The following CEP63 variants were observed in gnomAD, a reference collection of about 807,000 sequenced individuals.
CEP63 encodes the protein centrosomal protein 63, also known as centrosomal protein of 63 kDa.
A neutral mutation model predicts 89.1 loss-of-function variants in CEP63; 84 were observed. The ratio of observed to expected loss-of-function variants is 0.94; its 90% confidence interval spans 0.79 to 1.13. The LOEUF (loss-of-function observed/expected upper bound fraction) is 1.13, where lower values mean the gene tolerates loss of function less well. Among genes scored for constraint, CEP63 ranks in the 50% most tolerant of loss-of-function variants. The pLI is 0.00. For synonymous variants in CEP63, 267 were observed against 272.5 expected, an observed-to-expected ratio of 0.98 and a Z score of 0.20; for missense variants, 838 against 813.3, an observed-to-expected ratio of 1.03 and a Z score of -0.37.
rs1022097625 is a variant in CEP63, at chr3:134,564,787, G to A, written c.*3252G>A. 2.8e-5 allele frequency: 28 copies of A among 985,262 alleles called. No individual in the cohort carries two copies. The highest frequency in any genetic ancestry group is 9.4e-5 in the South Asian group (2 of 21,294). 61.0% of individuals were successfully genotyped at this position (985,262 alleles called of 1,614,324 possible). On this transcript the variant is annotated 3_prime_UTR_variant, in exon 15 of 15. Transcript: ENST00000675561. ...GCTTAAAATCTGTAGACTGCAGCCC[G>A]TTTCTGAAACGTTTGTACTACGTGT...
At chr3:134,664,080 G>A in the CEP63 span, among the ~76,000 whole-genome samples, 1 of 152,186 alleles carries the variant, frequency 6.6e-6, no homozygotes, top group South Asian at 2.1e-4. Flanking sequence ...TCTGGAGCCT[G>A]CACCTAGGGG....
At chr3:134,512,649 C>T (rs994504178) in intron 3 of CEP63, among the ~76,000 whole-genome samples, 1 of 152,124 alleles carries the variant, frequency 6.6e-6, no homozygotes, top group Non-Finnish European at 1.5e-5. Flanking sequence ...TTTCTTTTGG[C>T]ATTTTCCCTA....
chr3:134,583,159 G>A (rs1377006681), intron 10 of CEP63, among the ~76,000 whole-genome samples: 1 of 152,056 alleles, frequency 6.6e-6, no homozygotes, highest in African/African-American at 2.4e-5. Flanking sequence ...AGTTTCTTTT[G>A]CTGTGCAGAA....
chr3:134,523,439 T>C (rs1198742995), intron 3 of CEP63, among the ~76,000 whole-genome samples: 3 of 152,154 alleles, frequency 2.0e-5, no homozygotes, highest in Admixed American at 2.0e-4. Flanking sequence ...TTGCTTTTGG[T>C]GTCTTTGTCG....
the CEP63 span, among the ~76,000 whole-genome samples, chr3:134,782,533 T>C: frequency 6.6e-6 from 1 of 152,314 alleles, no homozygotes; most frequent in East Asian, 1.9e-4. Context: ...CATTATTTAA[T>C]TTTGTTTTGT....
At chr3:134,704,300 C>A in the CEP63 span, among the ~76,000 whole-genome samples, 1 of 152,192 alleles carries the variant, frequency 6.6e-6, no homozygotes, top group Non-Finnish European at 1.5e-5. Context: ...TTTATGACTT[C>A]TCTTTCCAGT....
At chr3:134,589,892 A>T (rs554653956), downstream of CEP63, among the ~76,000 whole-genome samples, 41 of 152,324 alleles carry the variant, frequency 2.7e-4, no homozygotes, top group African/African-American at 8.9e-4. Flanking sequence ...TGTGGTACAT[A>T]TACACCATGG....
chr3:134,568,982 G>A (rs1220820856), downstream of CEP63, among the ~76,000 whole-genome samples: 1 of 152,160 alleles, frequency 6.6e-6, no homozygotes, highest in African/African-American at 2.4e-5. Context: ...ATCTTACATG[G>A]AGGGCAGCAG....
chr3:134,609,504 C>T, the CEP63 span, among the ~76,000 whole-genome samples: 2 of 151,992 alleles, frequency 1.3e-5, no homozygotes, highest in South Asian at 2.1e-4. Flanking sequence ...ATTTAAGGTG[C>T]AAAAATCGAG....
chr3:134,530,358 T>G (rs918551751), intron 3 of CEP63, among the ~76,000 whole-genome samples: 5 of 152,216 alleles, frequency 3.3e-5, no homozygotes, highest in Non-Finnish European at 5.9e-5. Context: ...TTCCTCTGAT[T>G]GCTAGTGAAA....
At chr3:134,755,690 A>C in the CEP63 span, 1 of 152,188 alleles carries the variant, frequency 6.6e-6, no homozygotes, top group Non-Finnish European at 1.5e-5. Context: ...AGATCCTGAG[A>C]GGAACCACAA....
chr3:134,500,586 C>T (rs1177725124), intron 2 of CEP63, among the ~76,000 whole-genome samples: 2 of 152,178 alleles, frequency 1.3e-5, no homozygotes, highest in Non-Finnish European at 2.9e-5. Flanking sequence ...TTCTCCACCG[C>T]CTCACCAACA....
the CEP63 span, among the ~76,000 whole-genome samples, chr3:134,695,992 C>G: frequency 6.6e-6 from 1 of 152,204 alleles, no homozygotes; most frequent in Non-Finnish European, 1.5e-5. Flanking sequence ...TGAGTGCCCC[C>G]GGGCTTTTCA....
At chr3:134,719,036 A>G in the CEP63 span, among the ~76,000 whole-genome samples, 4 of 152,206 alleles carry the variant, frequency 2.6e-5, no homozygotes, top group African/African-American at 9.7e-5. Flanking sequence ...ATGAATTTGA[A>G]TCCAGGCTTT....
At chr3:134,566,268 T>C (rs1205201661), downstream of CEP63, among the ~76,000 whole-genome samples, 1 of 152,132 alleles carries the variant, frequency 6.6e-6, no homozygotes, top group East Asian at 1.9e-4. Context: ...AAGGCAGTAG[T>C]TGATAGGGGA....
At chr3:134,517,383 G>A (rs1946487063) in intron 3 of CEP63, among the ~76,000 whole-genome samples, 1 of 152,142 alleles carries the variant, frequency 6.6e-6, no homozygotes, top group Non-Finnish European at 1.5e-5. Context: ...CAATCATAGG[G>A]GAGAATTTTA....
chr3:134,536,912 G>C, intron 5 of CEP63: 1 of 476,824 alleles, frequency 2.1e-6, no homozygotes, highest in South Asian at 2.0e-5. Flanking sequence ...TAACATCTGC[G>C]TGTCATACTC....
At chr3:134,774,541 A>T in the CEP63 span, among the ~76,000 whole-genome samples, 1 of 152,198 alleles carries the variant, frequency 6.6e-6, no homozygotes, top group East Asian at 1.9e-4. Context: ...CCCAGGTGGG[A>T]CAGCTGAAAG....
At chr3:134,579,929 G>A (rs1958304564), downstream of CEP63, among the ~76,000 whole-genome samples, 1 of 152,178 alleles carries the variant, frequency 6.6e-6, no homozygotes, top group Non-Finnish European at 1.5e-5. Context: ...GCTGGGCGTG[G>A]TGGCTCATTC....
Sources: gnomAD v4.1 joint callset for allele counts (sites outside exome capture counted in the v4.1 genomes callset) on GRCh38, gnomAD v4.1.1 for gene constraint, MANE v1.5 for transcripts, NCBI Gene and HGNC (gene_info 2026-07-23, HGNC 2026-07-21) for gene names.